STIM1: variants seen among roughly 807,000 people sequenced by gnomAD.
STIM1 encodes stromal interaction molecule 1.
A neutral mutation model predicts 74.7 loss-of-function variants in STIM1; 25 were observed. The observed-to-expected ratio is 0.33, with a 90% confidence interval of 0.24 to 0.47. STIM1 has a LOEUF of 0.47. Ranked by LOEUF, STIM1 falls within the 20% of genes least tolerant of loss-of-function variation. The pLI is 1.00. For synonymous variants in STIM1, 328 were observed against 348.8 expected (o/e 0.94, Z 0.66); for missense variants, 728 against 920.8 (o/e 0.79, Z 2.71).
At chr11:4,028,913 C>T (rs993697799) in intron 3 of STIM1, among the ~76,000 whole-genome samples, 3 of 151,698 alleles carry the variant, frequency 2.0e-5, no homozygotes, top group South Asian at 2.1e-4. Context: ...ACAGACTGGG[C>T]GTGGTGGCTC....
At chr11:3,907,187 G>GA (rs1445730279) in intron 1 of STIM1, among the ~76,000 whole-genome samples, 2 of 152,058 alleles carry the variant, frequency 1.3e-5, no homozygotes, top group African/African-American at 2.4e-5. Flanking sequence ...GAAGCTGGGG[G>GA]AAAAAACGAA....
At chr11:3,881,495 C>T (rs988604452) in intron 1 of STIM1, among the ~76,000 whole-genome samples, 2 of 151,306 alleles carry the variant, frequency 1.3e-5, no homozygotes, top group African/African-American at 2.4e-5. Context: ...CTGAGCCTCC[C>T]GATTAGCTGG....
chr11:4,070,117 T>G lies in STIM1; in HGVS notation c.705T>G (p.Arg235=). The change falls in exon 6 of 13, where the codon CGT becomes CGG. Residue 235 remains arginine, a synonymous_variant. Coordinates refer to ENST00000526596, the MANE Select transcript of STIM1 (RefSeq NM_001382567.1). The stretch of plus-strand genomic sequence containing the variant: ...GCTGGTTTGCCTATATCCAGAACCG[T>G]TACTCCAAGGAGCACATGAAGAAGA... ...GGCWFAYIQN[R]YSKEHMKKMM... is the part of the protein sequence containing the mutation. The G allele has an allele frequency of 6.2e-7, 1 of 1,614,148 alleles. No individual in the cohort carries two copies. The highest frequency in any genetic ancestry group is 1.1e-5 in the South Asian group (1 of 91,076).
At chr11:4,026,454 A>G (rs1052212257) in intron 3 of STIM1, among the ~76,000 whole-genome samples, 3 of 152,226 alleles carry the variant, frequency 2.0e-5, no homozygotes, top group African/African-American at 7.2e-5. Flanking sequence ...TCTCACAGAA[A>G]CCATATGAAG....
intron 2 of STIM1, among the ~76,000 whole-genome samples, chr11:3,972,637 C>CTT (rs59269471): frequency 2.7e-5 from 4 of 150,116 alleles, no homozygotes; most frequent in African/African-American, 9.8e-5. Flanking sequence ...CACAGTCCTA[C>CTT]TTTTTTTTTT....
Position 4,074,552 on chromosome 11 carries a change from A to G in STIM1, c.842A>G (p.His281Arg). The G allele has an allele frequency of 6.2e-6, 10 of 1,614,150 alleles. No homozygotes were observed. The highest frequency in any genetic ancestry group is 8.5e-6 in the Non-Finnish European group (10 of 1,180,018). The change falls in exon 7 of 13, where the codon CAT (histidine) becomes CGT (arginine). Residue 281 changes from histidine to arginine, a missense_variant. Transcript: ENST00000526596. ...CGCACAGTGGAGGTGGAGAAGGTCCATCTGGAAAAGAAGCTGCGCGATGAG... is the reference window on the plus strand; with the variant it reads ...CGCACAGTGGAGGTGGAGAAGGTCCGTCTGGAAAAGAAGCTGCGCGATGAG... ...EHRTVEVEKV[H>R]LEKKLRDEIN...
chr11:3,956,175 G>A (rs2093209858), intron 1 of STIM1, among the ~76,000 whole-genome samples: 1 of 152,156 alleles, frequency 6.6e-6, no homozygotes, highest in Non-Finnish European at 1.5e-5. Flanking sequence ...AGAGTGACTA[G>A]GTTGGATATT....
intron 2 of STIM1, among the ~76,000 whole-genome samples, chr11:4,006,918 C>T (rs2093787775): frequency 6.6e-6 from 1 of 152,104 alleles, no homozygotes; most frequent in African/African-American, 2.4e-5. Context: ...CCAGGAAAGC[C>T]ATCCAGATTG....
intron 2 of STIM1, among the ~76,000 whole-genome samples, chr11:4,007,225 C>A (rs918365824): frequency 6.6e-6 from 1 of 152,064 alleles, no homozygotes; most frequent in Non-Finnish European, 1.5e-5. Flanking sequence ...TGTTGCATTC[C>A]CCATGGTAAG....
chr11:4,090,536 G>T (rs2094518118), intron 12 of STIM1, among the ~76,000 whole-genome samples: 1 of 152,244 alleles, frequency 6.6e-6, no homozygotes, highest in African/African-American at 2.4e-5. Context: ...TGGGGTGGGT[G>T]AAGGATTATT....
chr11:4,014,602 C>A (rs544134624), intron 2 of STIM1, among the ~76,000 whole-genome samples: 19 of 152,212 alleles, frequency 1.2e-4, no homozygotes, highest in African/African-American at 4.3e-4. Flanking sequence ...TCCTGGATAT[C>A]CTTGTTAATT....
intron 3 of STIM1, among the ~76,000 whole-genome samples, chr11:4,044,492 G>C (rs920383031): frequency 7.9e-5 from 12 of 152,190 alleles, no homozygotes; most frequent in Non-Finnish European, 1.2e-4. Flanking sequence ...AGATCTTCAT[G>C]CTGGAACTCA....
At chr11:3,895,714 CTTTCTTTCTTTCTTTCTTTCTTTTT>C (rs2092101990) in intron 1 of STIM1, among the ~76,000 whole-genome samples, 8 of 31,310 alleles carry the variant, frequency 2.6e-4, no homozygotes, top group Non-Finnish European at 3.2e-4. Flanking sequence ...TTCTTTCTTT[CTTTCTTTCTTTCTTTCTTTCTTTTT>C]CTTTCTTCCT....
At chr11:3,889,928 A>G (rs888754534) in intron 1 of STIM1, among the ~76,000 whole-genome samples, 14 of 152,214 alleles carry the variant, frequency 9.2e-5, no homozygotes, top group African/African-American at 3.1e-4. Context: ...GTAAATATTA[A>G]GCAAAGACGG....
At chr11:4,058,567 A>G (rs1252696176) in intron 4 of STIM1, among the ~76,000 whole-genome samples, 1 of 152,112 alleles carries the variant, frequency 6.6e-6, no homozygotes, top group African/African-American at 2.4e-5. Flanking sequence ...CCCTCCTCTT[A>G]TATCCACTGT....
intron 3 of STIM1, among the ~76,000 whole-genome samples, chr11:4,047,689 A>G (rs1285644602): frequency 6.6e-6 from 1 of 152,086 alleles, no homozygotes; most frequent in Non-Finnish European, 1.5e-5. Context: ...TGGTAGTAGT[A>G]CATGCCTGTA....
At chr11:4,078,861 A>G (rs951877746) in intron 7 of STIM1, among the ~76,000 whole-genome samples, 1 of 151,374 alleles carries the variant, frequency 6.6e-6, no homozygotes, top group African/African-American at 2.4e-5. Context: ...GTGAGCCACC[A>G]CACTTAGCGA....
At chr11:4,041,367 G>T (rs2094145852) in intron 3 of STIM1, among the ~76,000 whole-genome samples, 1 of 152,086 alleles carries the variant, frequency 6.6e-6, no homozygotes, top group Admixed American at 6.6e-5. Context: ...GCCAATAAAA[G>T]CTTAGTGAAT....
chr11:3,930,602 C>CA (rs1222502494), intron 1 of STIM1, among the ~76,000 whole-genome samples: 1 of 152,194 alleles, frequency 6.6e-6, no homozygotes, highest in Non-Finnish European at 1.5e-5. Context: ...GAACCCAAGT[C>CA]AGATAGTGGC....
Sources: gnomAD v4.1 joint callset for allele counts (sites outside exome capture counted in the v4.1 genomes callset) on GRCh38, gnomAD v4.1.1 for gene constraint, MANE v1.5 for transcripts, NCBI Gene and HGNC (gene_info 2026-07-23, HGNC 2026-07-21) for gene names.